HTRA1: variants seen among roughly 807,000 people sequenced by gnomAD.
HTRA1 encodes serine protease HTRA1.
In HTRA1, 26 loss-of-function variants were observed where a neutral mutation model predicts 49.7. The observed-to-expected ratio is 0.52, with a 90% CI of 0.38 to 0.73. The LOEUF (loss-of-function observed/expected upper bound fraction) is 0.73. HTRA1 is among the 30% of genes least tolerant of loss of function. The probability of loss-of-function intolerance (pLI) is 0.00; values close to 1 mark genes in which losing one functional copy is unlikely to be tolerated. For synonymous variants in HTRA1, 291 were observed against 286.9 expected (o/e 1.01, Z -0.14); for missense variants, 561 against 667.2 (o/e 0.84, Z 1.75).
chr10:122,485,957 G>A (rs1420016210), intron 1 of HTRA1, among the ~76,000 whole-genome samples: 1 of 152,216 alleles, frequency 6.6e-6, no homozygotes, highest in Non-Finnish European at 1.5e-5. Context: ...ACAGCTGTCT[G>A]GTGACATTCG....
intron 8 of HTRA1, among the ~76,000 whole-genome samples, chr10:122,513,632 A>C (rs2097506610): frequency 1.5e-5 from 1 of 67,448 alleles, no homozygotes. Context: ...CCATCTCAAA[A>C]AAAAAAAAAA....
In HTRA1 at chr10:122,490,548, C is replaced by T. The variant is rs1185728127; in HGVS notation, c.777+922C>T. On this transcript the variant is annotated intron_variant, in intron 3 of 8. Transcript: ENST00000368984. The surrounding 1 kb of genome is among the most constrained non-coding windows in gnomAD (Gnocchi z 4.2). ...AGCGTGGTTTCCAGTTTCTTCACATCCTTATAATTTTCTAGACTTCAGATG... is the reference window on the plus strand; with the variant it reads ...AGCGTGGTTTCCAGTTTCTTCACATTCTTATAATTTTCTAGACTTCAGATG... Among the ~76,000 whole-genome samples the T allele has an allele frequency of 6.6e-6, 1 of 152,092 alleles. No individual in the cohort carries two copies. The highest frequency in any genetic ancestry group is 2.4e-5 in the African/African-American group (1 of 41,404).
chr10:122,503,705 T>C (rs926540044), intron 3 of HTRA1, among the ~76,000 whole-genome samples: 2 of 152,178 alleles, frequency 1.3e-5, no homozygotes, highest in Non-Finnish European at 2.9e-5. Flanking sequence ...AATGGTGCCA[T>C]GAGAATACTT....
At chr10:122,507,671 G>A (rs1431995154) in intron 5 of HTRA1, among the ~76,000 whole-genome samples, 2 of 152,174 alleles carry the variant, frequency 1.3e-5, no homozygotes, top group East Asian at 3.9e-4. Flanking sequence ...GTGTCTCAGA[G>A]TTACAGGTAA....
At position 122,508,747 on chromosome 10, in the gene HTRA1, A is replaced by G; in HGVS notation, c.1097A>G (p.Glu366Gly). The change falls in exon 6 of 9, where the codon GAG (glutamate) becomes GGG (glycine). Residue 366 changes from glutamate to glycine, a missense_variant. By Grantham distance (98) the Glu-to-Gly change is moderately conservative (BLOSUM62 -2). This residue lies in a region of HTRA1 where 179 missense variants were observed against 173.4 expected (regional missense o/e 1.03). Transcript: ENST00000368984. ...GATAAGATTAAAAAGTTCCTCACGG[A>G]GTCCCATGACCGACAGGCCAAAGGT... is the stretch of plus-strand genomic sequence containing the variant. ...PSDKIKKFLT[E>G]SHDRQAKGKA... is the part of the protein sequence containing the mutation. 1 of 1,612,582 alleles carries G rather than the reference A, an allele frequency of 6.2e-7. No homozygotes were observed. The highest frequency in any genetic ancestry group is 8.5e-7 in the Non-Finnish European group (1 of 1,178,578).
chr10:122,498,830 G>C (rs562771980), intron 3 of HTRA1, among the ~76,000 whole-genome samples: 119 of 152,304 alleles, frequency 7.8e-4, no homozygotes, highest in Non-Finnish European at 1.5e-3. Context: ...TGAGCTAATG[G>C]AGCATGCTCA....
intron 3 of HTRA1, among the ~76,000 whole-genome samples, chr10:122,505,802 G>C (rs2097502786): frequency 6.6e-6 from 1 of 152,338 alleles, no homozygotes; most frequent in South Asian, 2.1e-4. Flanking sequence ...GAACTCGGGA[G>C]GTCTGCTCGG....
chr10:122,496,225 G>GTTTTTTTTTTTTTTGTTTTTTTTTTT (rs1287521208), intron 3 of HTRA1, among the ~76,000 whole-genome samples: 1 of 80,384 alleles, frequency 1.2e-5, no homozygotes, highest in Non-Finnish European at 2.3e-5. Flanking sequence ...GAGATTGTGG[G>GTTTTTTTTTTTTTTGTTTTTTTTTTT]TTCTTTTTTT....
rs1182654198 is a variant in HTRA1, at chr10:122,514,718, G to A, written c.*359G>A. The A allele has an allele frequency of 1.2e-5, 4 of 329,546 alleles. No individual in the cohort carries two copies. The highest frequency in any genetic ancestry group is 2.2e-5 in the African/African-American group (1 of 46,506). 20.4% of individuals were successfully genotyped at this position (329,546 alleles called of 1,614,324 possible). ...AATGCGTAGATAGAAGAAGCCCCACGGGAGCCAGGATGGGACTGGTCGTGT... is the reference window on the plus strand; with the variant it reads ...AATGCGTAGATAGAAGAAGCCCCACAGGAGCCAGGATGGGACTGGTCGTGT... On this transcript the variant is annotated 3_prime_UTR_variant, in exon 9 of 9. Coordinates refer to ENST00000368984, the MANE Select transcript of HTRA1 (RefSeq NM_002775.5).
chr10:122,477,532 C>T (rs1420115547), intron 1 of HTRA1, among the ~76,000 whole-genome samples: 1 of 152,218 alleles, frequency 6.6e-6, no homozygotes, highest in Non-Finnish European at 1.5e-5. Flanking sequence ...GTGTCCCAGA[C>T]TTCACTGAGC....
At chr10:122,510,220 G>T in intron 7 of HTRA1, 67 bp downstream of exon 7, 1 of 1,312,898 alleles carries the variant, frequency 7.6e-7, no homozygotes, top group South Asian at 1.2e-5. Context: ...AGGTGCTCAC[G>T]GGCACCCCTG....
chr10:122,511,858 G>A, intron 7 of HTRA1, 112 bp from the exon 8 acceptor site: 9 of 752,898 alleles, frequency 1.2e-5, no homozygotes, highest in Non-Finnish European at 2.1e-5. Context: ...AATTCCTGGA[G>A]GAATTTTACC....
chr10:122,466,739 GT>G (rs2097483955), intron 1 of HTRA1, among the ~76,000 whole-genome samples: 1 of 152,154 alleles, frequency 6.6e-6, no homozygotes, highest in Admixed American at 6.5e-5. Context: ...TAAAAAACAA[GT>G]GTGCCAGGGA....
At chr10:122,507,510 A>C (rs949650021) in intron 5 of HTRA1, 108 bp downstream of exon 5, 121 of 879,700 alleles carry the variant, frequency 1.4e-4, no homozygotes, top group Admixed American at 1.8e-4. Context: ...GGGTCTTTTC[A>C]AACATAAGGT....
At chr10:122,468,263 C>T (rs868742850) in intron 1 of HTRA1, among the ~76,000 whole-genome samples, 1 of 152,132 alleles carries the variant, frequency 6.6e-6, no homozygotes, top group Non-Finnish European at 1.5e-5. Flanking sequence ...GTTTCCCCAT[C>T]AGTAAGATAA....
intron 1 of HTRA1, 33 bp downstream of exon 1, chr10:122,462,157 T>G: frequency 6.7e-7 from 1 of 1,488,856 alleles, no homozygotes; most frequent in Non-Finnish European, 9.0e-7. Context: ...AGCTCCCCAC[T>G]CTCTCCATCC....
chr10:122,511,870 TA>T, intron 7 of HTRA1, 99 bp from the exon 8 acceptor site: 1 of 828,564 alleles, frequency 1.2e-6, no homozygotes, highest in Non-Finnish European at 2.1e-6. Context: ...AATTTTACCT[TA>T]GACCTAAGGA....
chr10:122,508,709 T>C lies in HTRA1; in HGVS notation c.1059T>C (p.Phe353=). ...NTLKVTAGIS[F]AIPSDKIKKF... ...TGAAAGTGACAGCTGGAATCTCCTT[T>C]GCAATCCCATCTGATAAGATTAAAA... The change falls in exon 6 of 9, where the codon TTT becomes TTC. Residue 353 remains phenylalanine, a synonymous_variant. Coordinates refer to ENST00000368984, the MANE Select transcript of HTRA1 (RefSeq NM_002775.5). The C allele has an allele frequency of 6.8e-6, 11 of 1,614,102 alleles. No homozygotes were observed. The highest frequency in any genetic ancestry group is 9.3e-6 in the Non-Finnish European group (11 of 1,179,926).
chr10:122,508,948 A>G lies in HTRA1; in HGVS notation c.1120+178A>G, dbSNP rs112864649. On this transcript the variant is annotated intron_variant, in intron 6 of 8. Transcript: ENST00000368984. Reference sequence around the variant, plus strand: ...CCTCGCAGAAGGTCACAGACATTTCACCATTTTTGTCCTCTGATCATGGCA... The same window carrying G: ...CCTCGCAGAAGGTCACAGACATTTCGCCATTTTTGTCCTCTGATCATGGCA... Among the ~76,000 whole-genome samples the G allele has an allele frequency of 6.8e-3, 1,033 of 152,288 alleles. 14 individuals carry two copies. Among genetic ancestry groups the G allele is most frequent in the African/African-American group, 0.024 (989 of 41,540 alleles).
Sources: gnomAD v4.1 joint callset for allele counts (sites outside exome capture counted in the v4.1 genomes callset) on GRCh38, gnomAD v4.1.1 for gene constraint, gnomAD v4.1.1 regional missense constraint, Gnocchi (gnomAD v3.1) non-coding constraint, MANE v1.5 for transcripts, NCBI Gene and HGNC (gene_info 2026-07-23, HGNC 2026-07-21) for gene names.